COL24A1: variants seen among roughly 807,000 people sequenced by gnomAD.
The protein encoded by COL24A1 is collagen type XXIV alpha 1 chain.
In COL24A1, 224 loss-of-function variants were observed where a neutral mutation model predicts 253.9. The ratio of observed to expected loss-of-function variants is 0.88; its 90% CI spans 0.79 to 0.99. COL24A1 has a LOEUF of 0.99. Among genes scored for constraint, COL24A1 ranks in the 50% least tolerant of loss-of-function variants. The pLI is 0.00. For synonymous variants in COL24A1, 685 were observed against 673.7 expected (o/e 1.02, Z -0.26); for missense variants, 2,131 against 2,068.5 (o/e 1.03, Z -0.59).
chr1:85,781,066 C>T (rs1200354086), intron 52 of COL24A1, among the ~76,000 whole-genome samples, 154 bp downstream of exon 52: 2 of 152,044 alleles, frequency 1.3e-5, no homozygotes, highest in African/African-American at 4.8e-5. Context: ...CACATATGGT[C>T]CCTAACTTCT....
intron 47 of COL24A1, among the ~76,000 whole-genome samples, chr1:85,796,589 G>A (rs1218652107): frequency 6.6e-6 from 1 of 152,062 alleles, no homozygotes; most frequent in Non-Finnish European, 1.5e-5. Flanking sequence ...AACTCCATGA[G>A]GGCAGTTTTT....
chr1:85,879,225 A>C (rs1311640753), intron 32 of COL24A1, among the ~76,000 whole-genome samples: 1 of 146,414 alleles, frequency 6.8e-6, no homozygotes, highest in Non-Finnish European at 1.5e-5. Context: ...TTTTACATTT[A>C]AGTCTATGAT....
chr1:86,020,252 G>A (rs1347280594), intron 18 of COL24A1, among the ~76,000 whole-genome samples: 2 of 151,792 alleles, frequency 1.3e-5, no homozygotes, highest in African/African-American at 4.8e-5. Flanking sequence ...ATTTTTAGTA[G>A]AGACAGGGTT....
intron 7 of COL24A1, among the ~76,000 whole-genome samples, chr1:86,075,080 C>CA (rs773214168): frequency 6.7e-4 from 101 of 151,738 alleles, no homozygotes; most frequent in African/African-American, 1.7e-3. Context: ...AAAAACTCTT[C>CA]AAAAAATCAA....
chr1:85,850,088 A>G (rs1405068015), intron 37 of COL24A1, among the ~76,000 whole-genome samples: 3 of 152,178 alleles, frequency 2.0e-5, no homozygotes, highest in Admixed American at 1.3e-4. Flanking sequence ...TTTTCATTTC[A>G]ATTTGTCCTT....
At chr1:85,871,691 A>G (rs991229532) in intron 35 of COL24A1, among the ~76,000 whole-genome samples, 1 of 152,164 alleles carries the variant, frequency 6.6e-6, no homozygotes, top group African/African-American at 2.4e-5. Context: ...TTGATGGGAC[A>G]TATCTCAAAA....
At chr1:85,787,103 T>A (rs1669761799) in intron 47 of COL24A1, among the ~76,000 whole-genome samples, 1 of 152,072 alleles carries the variant, frequency 6.6e-6, no homozygotes, top group African/African-American at 2.4e-5. Context: ...TCAGTATGTA[T>A]TAAGTTTTAC....
intron 51 of COL24A1, 24 bp downstream of exon 51, chr1:85,783,472 T>C (rs1394180868): frequency 6.2e-7 from 1 of 1,607,448 alleles, no homozygotes; most frequent in East Asian, 2.2e-5. Flanking sequence ...CAATTTCTGG[T>C]AGGCAGAATG....
At chr1:86,116,001 T>C (rs1048551216) in intron 3 of COL24A1, among the ~76,000 whole-genome samples, 1 of 152,222 alleles carries the variant, frequency 6.6e-6, no homozygotes, top group Non-Finnish European at 1.5e-5. Flanking sequence ...GTTATTTAAA[T>C]GTTAATTTTT....
chr1:85,874,573 G>C, intron 35 of COL24A1, 76 bp downstream of exon 35: 1 of 1,295,622 alleles, frequency 7.7e-7, no homozygotes, highest in Non-Finnish European at 1.1e-6. Context: ...AATTTTTTGA[G>C]TGTTTCGAAT....
intron 19 of COL24A1, among the ~76,000 whole-genome samples, chr1:86,007,811 A>G (rs489385): frequency 0.71 from 108,187 of 152,142 alleles, 39,782 homozygotes; most frequent in African/African-American, 0.88. Context: ...GAGGGCAGGG[A>G]AGAGGAGGGA....
In COL24A1 at chr1:85,730,580, T is replaced by A; in HGVS notation, c.5111A>T (p.Tyr1704Phe). 6.2e-7 allele frequency: 1 copy of A among 1,614,028 alleles called. No individual in the cohort carries two copies. Among genetic ancestry groups the A allele is most frequent in the Non-Finnish European group, 8.5e-7 (1 of 1,179,896 alleles). The change falls in exon 60 of 60, where the codon TAT becomes TTT. Residue 1704 changes from tyrosine (Y) to phenylalanine (F), a missense_variant. Physicochemically the swap from Tyr to Phe is conservative, Grantham distance 22. Transcript: ENST00000370571. ...GCATACAGAACTGCTGTCAATGTAA[T>A]ACTTTCGTTCAGTTTTGAGATGAGG... Reference protein sequence around the residue: ...KLPHLKTERKYYIDSSSVCFL With the variant: ...KLPHLKTERKFYIDSSSVCFL
intron 55 of COL24A1, among the ~76,000 whole-genome samples, chr1:85,759,808 A>G (rs1666654408): frequency 6.6e-6 from 1 of 152,240 alleles, no homozygotes; most frequent in Admixed American, 6.5e-5. Flanking sequence ...TGAGACAGGG[A>G]TATGTGTCAC....
intron 3 of COL24A1, among the ~76,000 whole-genome samples, chr1:86,116,848 G>T (rs1706196036): frequency 6.6e-6 from 1 of 151,926 alleles, no homozygotes; most frequent in Non-Finnish European, 1.5e-5. Context: ...TTTCTATTCA[G>T]CCCCTAACTG....
At chr1:85,804,079 T>C (rs1671708456) in intron 47 of COL24A1, among the ~76,000 whole-genome samples, 1 of 152,122 alleles carries the variant, frequency 6.6e-6, no homozygotes, top group Admixed American at 6.5e-5. Context: ...ATTGAAAGTA[T>C]TGGTTATCAA....
intron 47 of COL24A1, among the ~76,000 whole-genome samples, chr1:85,809,101 C>G (rs1053613373): frequency 2.0e-5 from 3 of 152,164 alleles, no homozygotes. Flanking sequence ...GTGATGTTAT[C>G]TATAGAAGCA....
At position 85,823,543 on chromosome 1, in the gene COL24A1, C is replaced by A. The variant is rs1195841922; in HGVS notation, c.3782G>T (p.Gly1261Val). ...QGEQGLKGER[G>V]SEGNKGKKGA... The stretch of plus-strand genomic sequence containing the variant: ...TAAATAATTTCAACTTACTTCAGAT[C>A]CTCTCTCTCCTTTTAGTCCTTGTTC... Residue 1261 changes from glycine to valine, a missense_variant, in exon 45 of 60, where the codon GGA becomes GTA. Transcript: ENST00000370571. The A allele has an allele frequency of 3.1e-6, 5 of 1,613,898 alleles. No individual in the cohort carries two copies. The highest frequency in any genetic ancestry group is 4.2e-6 in the Non-Finnish European group (5 of 1,179,922).
At chr1:85,900,664 A>G (rs1167494593) in intron 28 of COL24A1, among the ~76,000 whole-genome samples, 1 of 152,080 alleles carries the variant, frequency 6.6e-6, no homozygotes, top group Non-Finnish European at 1.5e-5. Flanking sequence ...AATAAAATAT[A>G]CTACAAAACT....
At chr1:86,021,122 A>G (rs1295351961) in intron 18 of COL24A1, among the ~76,000 whole-genome samples, 2 of 152,222 alleles carry the variant, frequency 1.3e-5, no homozygotes, top group African/African-American at 4.8e-5. Context: ...AAAAAAATAA[A>G]TAATCCTGAG....
Sources: allele counts gnomAD v4.1 joint callset (sites outside exome capture counted in the v4.1 genomes callset), GRCh38; gene constraint gnomAD v4.1.1; transcripts MANE v1.5; gene names NCBI Gene and HGNC (gene_info 2026-07-23, HGNC 2026-07-21).